The following SPN variants were observed in gnomAD, a reference collection of about 807,000 sequenced individuals.
SPN encodes leukosialin.
Under a neutral mutation model 8.4 loss-of-function variants are expected in SPN, and 6 were observed. The ratio of observed to expected loss-of-function variants is 0.72; its 90% CI spans 0.39 to 1.42. The LOEUF (loss-of-function observed/expected upper bound fraction) is 1.42. Ranked by LOEUF, SPN falls within the 40% of genes most tolerant of loss-of-function variation. The pLI is 0.02. For missense variants in SPN, 517 were observed against 530.6 expected (o/e 0.97, Z 0.25); for synonymous variants, 201 against 222.6 (o/e 0.90, Z 0.86).
In SPN at chr16:29,666,042, T is replaced by C. The variant is rs1271330096; in HGVS notation, c.*1111T>C. 6.0e-6 allele frequency: 1 copy of C among 167,098 alleles called. No homozygotes were observed. The highest frequency in any genetic ancestry group is 6.6e-5 in the Admixed American group (1 of 15,262). The allele number at this position is 167,098 out of a possible 1,614,324, so 10.4% of individuals were successfully genotyped here. ...TGTGCAAGAGCTGAGGATTTGGCGA[T>C]GCTTGGGAGGGGTAGTTGTGGGTAC... On this transcript the variant is annotated 3_prime_UTR_variant, in exon 2 of 2. Transcript: ENST00000652691.
Position 29,666,678 on chromosome 16 carries a change from TCTTCCATCCCAGGGGCTGAGCCC to T in SPN, c.*1757_*1779del. ...CCAGGTTTAGTTTGTCTGTGTCTCCTCTTCCATCCCAGGGGCTGAGCCCCTTCCATCCTCCAAGAGGAACCAGT... is the reference window on the plus strand; with the variant it reads ...CCAGGTTTAGTTTGTCTGTGTCTCCTCTTCCATCCTCCAAGAGGAACCAGT... On this transcript the variant is annotated 3_prime_UTR_variant, in exon 2 of 2. Transcript: ENST00000652691. The T allele has an allele frequency of 5.9e-6, 2 of 339,786 alleles. No individual in the cohort carries two copies. Among genetic ancestry groups the T allele is most frequent in the South Asian group, 5.0e-5 (2 of 39,798 alleles). The allele number at this position is 339,786 out of a possible 1,614,324, so 21.0% of individuals were successfully genotyped here. A position where few individuals can be genotyped will look rare whatever the true frequency, so the allele number is the denominator to read the frequency against.
Position 29,667,198 on chromosome 16 carries a change from C to A in SPN, c.*2267C>A, listed in dbSNP as rs1046797849. The A allele has an allele frequency of 5.4e-6, 2 of 367,264 alleles. No individual in the cohort carries two copies. Among genetic ancestry groups the A allele is most frequent in the Non-Finnish European group, 1.1e-5 (2 of 176,278 alleles). The allele number at this position is 367,264 out of a possible 1,614,324, so 22.8% of individuals were successfully genotyped here. On this transcript the variant is annotated 3_prime_UTR_variant, in exon 2 of 2. Coordinates refer to ENST00000652691, the MANE Select transcript of SPN (RefSeq NM_003123.6). ...TTCTGATTGCTATTTGGACTCACTG[C>A]AGCTGCAGAATGACAGAGGCCATGT...
In SPN at chr16:29,664,464, C is replaced by T. The variant is rs868529835; in HGVS notation, c.736C>T (p.Arg246Trp). The T allele has an allele frequency of 1.4e-5, 23 of 1,614,104 alleles. No individual in the cohort carries two copies. The highest frequency in any genetic ancestry group is 1.8e-5 in the Non-Finnish European group (21 of 1,180,046). ...CACCAACGCAAGCACTGTGCCCTTC[C>T]GGAACCCAGATGAGAACTCACGAGG... ...TSTNASTVPFRNPDENSRGML... is the reference protein window; with the variant it reads ...TSTNASTVPFWNPDENSRGML... Residue 246 changes from arginine to tryptophan, a missense_variant, in exon 2 of 2, where the codon CGG (arginine) becomes TGG (tryptophan). Coordinates refer to ENST00000652691, the MANE Select transcript of SPN (RefSeq NM_003123.6). The surrounding 1 kb of genome is among the most constrained non-coding windows in gnomAD (Gnocchi z 6.4).
chr16:29,666,668 C>G lies in SPN; in HGVS notation c.*1737C>G. 1 of 331,012 alleles carries G rather than the reference C, an allele frequency of 3.0e-6. No individual in the cohort carries two copies. Among genetic ancestry groups the G allele is most frequent in the South Asian group, 2.7e-5 (1 of 37,418 alleles). 20.5% of individuals were successfully genotyped at this position (331,012 alleles called of 1,614,324 possible). On this transcript the variant is annotated 3_prime_UTR_variant, in exon 2 of 2. Transcript: ENST00000652691. ...CTGCACGTTTCCAGGTTTAGTTTGT[C>G]TGTGTCTCCTCTTCCATCCCAGGGG...
chr16:29,663,512 T>C lies in SPN; in HGVS notation c.-34-183T>C, dbSNP rs573079965. ...GCTGGAGGGAGCCTCAGGATGGGGC[T>C]GATGGGGGAGCTGCCAGCATCTGTT... On this transcript the variant is annotated intron_variant, in intron 1 of 1. Coordinates refer to ENST00000652691, the MANE Select transcript of SPN (RefSeq NM_003123.6). The surrounding 1 kb of genome is among the most constrained non-coding windows in gnomAD (Gnocchi z 4.3). Among the ~76,000 whole-genome samples the C allele has an allele frequency of 5.3e-5, 8 of 152,162 alleles. No individual in the cohort carries two copies. The highest frequency in any genetic ancestry group is 1.0e-4 in the Non-Finnish European group (7 of 68,016).
chr16:29,665,190 G>T lies in SPN; in HGVS notation c.*259G>T. ...CTGCCTCAGCTTCCCGAGTAACTGA[G>T]ATTACAGGCACCCACCACCATGCCC... is the stretch of plus-strand genomic sequence containing the variant. On this transcript the variant is annotated 3_prime_UTR_variant, in exon 2 of 2. Transcript: ENST00000652691. The T allele has an allele frequency of 5.3e-6, 2 of 374,944 alleles. No individual in the cohort carries two copies. Among genetic ancestry groups the T allele is most frequent in the Non-Finnish European group, 9.6e-6 (2 of 207,900 alleles). The allele number at this position is 374,944 out of a possible 1,614,324, so 23.2% of individuals were successfully genotyped here.
At position 29,669,136 on chromosome 16, in the gene SPN, T is replaced by C. The variant is rs528037278; in HGVS notation, c.*4205T>C. The C allele has an allele frequency of 4.8e-5, 8 of 166,784 alleles. No homozygotes were observed. Among genetic ancestry groups the C allele is most frequent in the Non-Finnish European group, 1.2e-4 (8 of 68,066 alleles). 10.3% of individuals were successfully genotyped at this position (166,784 alleles called of 1,614,324 possible). ...CGTGTCTACAAAAAGTAAACATTTATATATATATTTTTTAAAGTGGAGCAG... is the reference window on the plus strand; with the variant it reads ...CGTGTCTACAAAAAGTAAACATTTACATATATATTTTTTAAAGTGGAGCAG... On this transcript the variant is annotated 3_prime_UTR_variant, in exon 2 of 2. Transcript: ENST00000652691.
Position 29,668,405 on chromosome 16 carries a change from T to C in SPN, c.*3474T>C, listed in dbSNP as rs1228175795. 1 of 115,432 alleles carries C rather than the reference T, an allele frequency of 8.7e-6. No homozygotes were observed. The highest frequency in any genetic ancestry group is 3.5e-5 in the African/African-American group (1 of 28,928). 7.2% of individuals were successfully genotyped at this position (115,432 alleles called of 1,614,324 possible). A position where few individuals can be genotyped will look rare whatever the true frequency, so the allele number is the denominator to read the frequency against. ...TGCCTGGCATGTTGCAGATCCTCCA[T>C]GAATATGCATTTGAATGAATGAATG... On this transcript the variant is annotated 3_prime_UTR_variant, in exon 2 of 2. Transcript: ENST00000652691.
rs1405597843 is a variant in SPN at position 29,670,593 on chromosome 16, T to G, written c.*5662T>G. ...TTATTGAACTTATAGTCAGTAAAAA[T>G]CATGTTTTTGAAAATTATGTAATGA... On this transcript the variant is annotated 3_prime_UTR_variant, in exon 2 of 2. Coordinates refer to ENST00000652691, the MANE Select transcript of SPN (RefSeq NM_003123.6). 1 of 315,848 alleles carries G rather than the reference T, an allele frequency of 3.2e-6. No homozygotes were observed. The highest frequency in any genetic ancestry group is 2.2e-5 in the African/African-American group (1 of 45,722). 19.6% of individuals were successfully genotyped at this position (315,848 alleles called of 1,614,324 possible).
At position 29,664,725 on chromosome 16, in the gene SPN, G is replaced by A. The variant is rs1966786036; in HGVS notation, c.997G>A (p.Gly333Arg). Reference protein sequence around the residue: ...GGDKGSGFPDGEGSSRRPTLT... With the variant: ...GGDKGSGFPDREGSSRRPTLT... ...CGACAAGGGCTCTGGGTTCCCCGATGGGGAGGGGTCTAGCCGTCGGCCCAC... is the reference window on the plus strand; with the variant it reads ...CGACAAGGGCTCTGGGTTCCCCGATAGGGAGGGGTCTAGCCGTCGGCCCAC... The change falls in exon 2 of 2, where the codon GGG becomes AGG. Residue 333 changes from glycine (G) to arginine (R), a missense_variant. Coordinates refer to ENST00000652691, the MANE Select transcript of SPN (RefSeq NM_003123.6). This position sits in a 1 kb window ranked among gnomAD's most constrained non-coding sequence, Gnocchi z 6.4. 6.8e-7 allele frequency: 1 copy of A among 1,480,856 alleles called. No individual in the cohort carries two copies. Among genetic ancestry groups the A allele is most frequent in the African/African-American group, 1.4e-5 (1 of 70,936 alleles). The allele number at this position is 1,480,856 out of a possible 1,614,324, so 91.7% of individuals were successfully genotyped here.
Position 29,666,665 on chromosome 16 carries a change from T to A in SPN, c.*1734T>A. The A allele has an allele frequency of 3.1e-6, 1 of 325,952 alleles. No homozygotes were observed. The highest frequency in any genetic ancestry group is 4.0e-5 in the Admixed American group (1 of 25,180). 20.2% of individuals were successfully genotyped at this position (325,952 alleles called of 1,614,324 possible). On this transcript the variant is annotated 3_prime_UTR_variant, in exon 2 of 2. Coordinates refer to ENST00000652691, the MANE Select transcript of SPN (RefSeq NM_003123.6). ...CCACTGCACGTTTCCAGGTTTAGTTTGTCTGTGTCTCCTCTTCCATCCCAG... is the reference window on the plus strand; with the variant it reads ...CCACTGCACGTTTCCAGGTTTAGTTAGTCTGTGTCTCCTCTTCCATCCCAG...
rs1567321622 is a variant in SPN at position 29,666,753 on chromosome 16, G to A, written c.*1822G>A. ...AGAGTGAGTGAAGGAGGGGCCTGGA[G>A]CCAGGGACTTCCCCTGTGGGGCCTG... On this transcript the variant is annotated 3_prime_UTR_variant, in exon 2 of 2. Coordinates refer to ENST00000652691, the MANE Select transcript of SPN (RefSeq NM_003123.6). The A allele has an allele frequency of 7.6e-6, 3 of 394,812 alleles. No individual in the cohort carries two copies. The highest frequency in any genetic ancestry group is 1.6e-5 in the Non-Finnish European group (3 of 188,294). 24.5% of individuals were successfully genotyped at this position (394,812 alleles called of 1,614,324 possible).
Position 29,663,872 on chromosome 16 carries a change from A to G in SPN, c.144A>G (p.Ser48=), listed in dbSNP as rs1208033161. The change falls in exon 2 of 2, where the codon TCA becomes TCG. Residue 48 remains serine, a synonymous_variant. Coordinates refer to ENST00000652691, the MANE Select transcript of SPN (RefSeq NM_003123.6). The surrounding 1 kb of genome is among the most constrained non-coding windows in gnomAD (Gnocchi z 4.3). ...TGAGCTCAAAGATGTACACCACTTC[A>G]ATAACAAGTGACCCTAAGGCCGACA... ...EPLSSKMYTT[S]ITSDPKADST... The G allele has an allele frequency of 1.6e-5, 26 of 1,614,032 alleles. No homozygotes were observed. The highest frequency in any genetic ancestry group is 2.0e-5 in the Non-Finnish European group (24 of 1,180,036).
In SPN at chr16:29,664,405, T is replaced by C; in HGVS notation, c.677T>C (p.Val226Ala). 6.2e-7 allele frequency: 1 copy of C among 1,613,992 alleles called. No homozygotes were observed. The highest frequency in any genetic ancestry group is 1.3e-5 in the African/African-American group (1 of 74,996). Residue 226 changes from valine to alanine, a missense_variant, in exon 2 of 2, where the codon GTA becomes GCA. By Grantham distance (64) the Val-to-Ala change is moderately conservative. Coordinates refer to ENST00000652691, the MANE Select transcript of SPN (RefSeq NM_003123.6). This position sits in a 1 kb window ranked among gnomAD's most constrained non-coding sequence, Gnocchi z 6.4. ...GCCAGTGGACCCCAGGTCTCTAGCGTAAAACTATCTACAATGATGTCTCCA... is the reference window on the plus strand; with the variant it reads ...GCCAGTGGACCCCAGGTCTCTAGCGCAAAACTATCTACAATGATGTCTCCA... ...SGASGPQVSS[V>A]KLSTMMSPTT...
Position 29,667,053 on chromosome 16 carries a change from G to A in SPN, c.*2122G>A. 1 of 470,148 alleles carries A rather than the reference G, an allele frequency of 2.1e-6. No individual in the cohort carries two copies. The highest frequency in any genetic ancestry group is 2.4e-5 in the Admixed American group (1 of 42,544). 29.1% of individuals were successfully genotyped at this position (470,148 alleles called of 1,614,324 possible). On this transcript the variant is annotated 3_prime_UTR_variant, in exon 2 of 2. Coordinates refer to ENST00000652691, the MANE Select transcript of SPN (RefSeq NM_003123.6). The stretch of plus-strand genomic sequence containing the variant: ...TGGGGGATGGGCTCGTGCAGTGGGA[G>A]AGGAGACGGAGGGAGGGAGCGGGAA...
Position 29,666,502 on chromosome 16 carries a change from GCTCTCTCT to G in SPN, c.*1587_*1594del, listed in dbSNP as rs138362780. 205 of 157,874 alleles carry G rather than the reference GCTCTCTCT, an allele frequency of 1.3e-3. No homozygotes were observed. The highest frequency in any genetic ancestry group is 4.8e-3 in the African/African-American group (177 of 36,916). The allele number at this position is 157,874 out of a possible 1,614,324, so 9.8% of individuals were successfully genotyped here. Reference sequence around the variant, plus strand: ...ATTTCTGCAGTACACATGCATGTGCGCTCTCTCTCTCTCTCTCTCTCTCACACACACAC... The same window carrying G: ...ATTTCTGCAGTACACATGCATGTGCGCTCTCTCTCTCTCTCACACACACAC... On this transcript the variant is annotated 3_prime_UTR_variant, in exon 2 of 2. Coordinates refer to ENST00000652691, the MANE Select transcript of SPN (RefSeq NM_003123.6).
chr16:29,664,795 T>C lies in SPN; in HGVS notation c.1067T>C (p.Leu356Pro). The C allele has an allele frequency of 6.7e-7, 1 of 1,503,030 alleles. No individual in the cohort carries two copies. Among genetic ancestry groups the C allele is most frequent in the Non-Finnish European group, 8.9e-7 (1 of 1,129,204 alleles). 93.1% of individuals were successfully genotyped at this position (1,503,030 alleles called of 1,614,324 possible). The change falls in exon 2 of 2, where the codon CTG (leucine) becomes CCG (proline). Residue 356 changes from leucine to proline, a missense_variant. Transcript: ENST00000652691. This position sits in a 1 kb window ranked among gnomAD's most constrained non-coding sequence, Gnocchi z 6.4. ...FGRRKSRQGS[L>P]AMEELKSGSG... ...AGACGGAAGTCTCGCCAGGGCTCCCTGGCGATGGAGGAGCTGAAGTCTGGG... is the reference window on the plus strand; with the variant it reads ...AGACGGAAGTCTCGCCAGGGCTCCCCGGCGATGGAGGAGCTGAAGTCTGGG...
Position 29,664,729 on chromosome 16 carries a change from A to ACCACC in SPN, c.1001_1002insCCACC (p.Glu334AspfsTer30). 6.8e-7 allele frequency: 1 copy of ACCACC among 1,481,458 alleles called. No individual in the cohort carries two copies. The highest frequency in any genetic ancestry group is 8.9e-7 in the Non-Finnish European group (1 of 1,117,356). The allele number at this position is 1,481,458 out of a possible 1,614,324, so 91.8% of individuals were successfully genotyped here. ...AAGGGCTCTGGGTTCCCCGATGGGG[A>ACCACC]GGGGTCTAGCCGTCGGCCCACGCTC... On this transcript the variant is annotated frameshift_variant, in exon 2 of 2. Coordinates refer to ENST00000652691, the MANE Select transcript of SPN (RefSeq NM_003123.6). LOFTEE classifies it high-confidence loss of function. The surrounding 1 kb of genome is among the most constrained non-coding windows in gnomAD (Gnocchi z 6.4).
Position 29,670,102 on chromosome 16 carries a change from CAG to C in SPN, c.*5172_*5173del, listed in dbSNP as rs914926818. 6.1e-6 allele frequency: 1 copy of C among 163,474 alleles called. No individual in the cohort carries two copies. Among genetic ancestry groups the C allele is most frequent in the African/African-American group, 2.4e-5 (1 of 41,144 alleles). The allele number at this position is 163,474 out of a possible 1,614,324, so 10.1% of individuals were successfully genotyped here. The stretch of plus-strand genomic sequence containing the variant: ...GTACCAGCTACTCAAGAGGCGAAGG[CAG>C]GGAAGATTGCTTGAGCCCAGGAGTT... On this transcript the variant is annotated 3_prime_UTR_variant, in exon 2 of 2. Coordinates refer to ENST00000652691, the MANE Select transcript of SPN (RefSeq NM_003123.6).
Sources: allele counts gnomAD v4.1 joint callset (sites outside exome capture counted in the v4.1 genomes callset), GRCh38; gene constraint gnomAD v4.1.1; non-coding constraint Gnocchi (gnomAD v3.1); transcripts MANE v1.5; gene names NCBI Gene and HGNC (gene_info 2026-07-23, HGNC 2026-07-21).